Variants in ABL1 observed in about 807,000 individuals in gnomAD.
The protein encoded by ABL1 is tyrosine-protein kinase ABL1.
A neutral mutation model predicts 94.7 loss-of-function variants in ABL1; 11 were observed. That is an observed-to-expected ratio of 0.12 (90% CI 0.07 to 0.19). The LOEUF (loss-of-function observed/expected upper bound fraction) is 0.19, where lower values mean the gene tolerates loss of function less well. Ranked by LOEUF, ABL1 falls within the 10% of genes least tolerant of loss-of-function variation. ABL1 has a pLI of 1.00. For synonymous variants in ABL1, 656 were observed against 622.4 expected (o/e 1.05, Z -0.80); for missense variants, 1,082 against 1,489.4 (o/e 0.73, Z 4.50).
chr9:130,725,091 A>T (rs1393651304), intron 1 of ABL1: 1 of 207,072 alleles, frequency 4.8e-6, no homozygotes, highest in Non-Finnish European at 1.0e-5. Flanking sequence ...TAAAATATAC[A>T]GAAAAGTTAC....
intron 1 of ABL1, among the ~76,000 whole-genome samples, chr9:130,758,772 G>A (rs1832073500): frequency 6.6e-6 from 1 of 152,210 alleles, no homozygotes; most frequent in Non-Finnish European, 1.5e-5. Context: ...TGTGAGATGT[G>A]CAGTTGGGTG....
At chr9:130,773,495 A>G (rs1227742179) in intron 1 of ABL1, among the ~76,000 whole-genome samples, 2 of 152,012 alleles carry the variant, frequency 1.3e-5, no homozygotes, top group African/African-American at 2.4e-5. Context: ...GTCTTGCTCT[A>G]TCGTCCAGGC....
chr9:130,741,647 C>G (rs1831820778), intron 1 of ABL1, among the ~76,000 whole-genome samples: 1 of 152,068 alleles, frequency 6.6e-6, no homozygotes, highest in Non-Finnish European at 1.5e-5. Flanking sequence ...ACTGATAATA[C>G]CAGTTACCAT....
intron 1 of ABL1, among the ~76,000 whole-genome samples, chr9:130,780,897 A>T (rs1447037061): frequency 1.3e-5 from 2 of 152,228 alleles, no homozygotes; most frequent in Non-Finnish European, 1.5e-5. Context: ...GAAGGTGATC[A>T]GACCCTAATG....
At chr9:130,724,417 T>G (rs1192904266) in intron 1 of ABL1, among the ~76,000 whole-genome samples, 1 of 152,190 alleles carries the variant, frequency 6.6e-6, no homozygotes, top group Non-Finnish European at 1.5e-5. Context: ...TTTTATCTGG[T>G]TCTGGGGTTT....
At chr9:130,734,239 A>G (rs982458211) in intron 1 of ABL1, among the ~76,000 whole-genome samples, 2 of 138,986 alleles carry the variant, frequency 1.4e-5, no homozygotes, top group African/African-American at 5.6e-5. Context: ...TTTGAGATGG[A>G]GTCTCGCTCT....
intron 4 of ABL1, among the ~76,000 whole-genome samples, chr9:130,871,429 A>G (rs1027334408): frequency 1.3e-4 from 20 of 152,138 alleles, no homozygotes; most frequent in Admixed American, 1.2e-3. Flanking sequence ...CCCCCTTGGC[A>G]TTTAGATACC....
chr9:130,862,729 C>T lies in ABL1; in HGVS notation c.550-34C>T, dbSNP rs1831093497. ...GTGAGCTCTTTGAGCTTGCCTGTCTCTGTGGGCTGAAGGCTGTTCCCTGTT... is the reference window on the plus strand; with the variant it reads ...GTGAGCTCTTTGAGCTTGCCTGTCTTTGTGGGCTGAAGGCTGTTCCCTGTT... On this transcript the variant is annotated intron_variant, in intron 3 of 10. Transcript: ENST00000318560. This position sits in a 1 kb window ranked among gnomAD's most constrained non-coding sequence, Gnocchi z 5.5. The T allele has an allele frequency of 6.2e-7, 1 of 1,601,080 alleles. No homozygotes were observed. The highest frequency in any genetic ancestry group is 8.5e-7 in the Non-Finnish European group (1 of 1,174,030).
intron 1 of ABL1, among the ~76,000 whole-genome samples, chr9:130,735,962 T>TA (rs1554757971): frequency 0.38 from 17,540 of 45,884 alleles, 1,598 homozygotes; most frequent in Non-Finnish European, 0.43. Flanking sequence ...TATATATATA[T>TA]TTTTTTTTTT....
intron 1 of ABL1, among the ~76,000 whole-genome samples, chr9:130,821,821 C>T (rs1210360397): frequency 6.2e-5 from 9 of 144,086 alleles, no homozygotes; most frequent in African/African-American, 2.1e-4. Context: ...TGCTACCACA[C>T]CTGGCTATTA....
intron 1 of ABL1, among the ~76,000 whole-genome samples, chr9:130,718,617 A>G (rs1002072847): frequency 6.6e-6 from 1 of 152,168 alleles, no homozygotes; most frequent in African/African-American, 2.4e-5. Flanking sequence ...ACTGTGGCTT[A>G]TGCCTGTAAT....
chr9:130,823,908 C>T (rs1181295154), intron 1 of ABL1, among the ~76,000 whole-genome samples: 1 of 152,152 alleles, frequency 6.6e-6, no homozygotes, highest in South Asian at 2.1e-4. Context: ...TGTTCATTTT[C>T]ATCAAAGAAA....
At chr9:130,764,847 T>C (rs1159857945) in intron 1 of ABL1, among the ~76,000 whole-genome samples, 1 of 151,898 alleles carries the variant, frequency 6.6e-6, no homozygotes, top group Admixed American at 6.6e-5. Flanking sequence ...TCCCAGCTAA[T>C]TGGGAGGCTG....
chr9:130,875,083 T>A, intron 7 of ABL1, 31 bp downstream of exon 7: 1 of 1,604,734 alleles, frequency 6.2e-7, no homozygotes, highest in Non-Finnish European at 8.5e-7. Flanking sequence ...GAAGTGGTCC[T>A]TCCTGACTAC....
intron 1 of ABL1, among the ~76,000 whole-genome samples, chr9:130,847,358 A>G (rs1343393781): frequency 6.6e-6 from 1 of 152,094 alleles, no homozygotes; most frequent in Non-Finnish European, 1.5e-5. Flanking sequence ...AGAAGAAGGG[A>G]ACTAGTTGGG....
In ABL1 at chr9:130,767,748, C is replaced by A. The variant is rs556538143; in HGVS notation, c.136+53293C>A. ...GGCCAGCTCTCTGAAGTAAAGTGCA[C>A]GTGTGCATGTGTGTGCACACTCACA... On this transcript the variant is annotated intron_variant, in intron 1 of 10. Coordinates refer to the ABL1 transcript ENST00000372348. 2.0e-5 allele frequency among the ~76,000 whole-genome samples: 3 copies of A among 152,318 alleles called. No individual in the cohort carries two copies. The South Asian group carries it at 6.2e-4, about 32-fold the overall frequency.
At position 130,883,814 on chromosome 9, in the gene ABL1, TTTTGTTTG is replaced by T. The variant is rs544947423; in HGVS notation, c.1679-139_1679-132del. 2.0e-3 allele frequency among the ~76,000 whole-genome samples: 309 copies of T among 152,238 alleles called. 1 individual carries two copies. The highest frequency in any genetic ancestry group is 6.1e-3 in the African/African-American group (255 of 41,554). On this transcript the variant is annotated intron_variant, in intron 10 of 10. Coordinates refer to ENST00000318560, the MANE Select transcript of ABL1 (RefSeq NM_005157.6). ...AAGAAGGGATGACCTTTGACAATTT[TTTTGTTTG>T]TTTGTTTGTTTGTTTTGAGATGGAG...
At chr9:130,879,267 G>A (rs1045786571) in intron 8 of ABL1, among the ~76,000 whole-genome samples, 1 of 152,164 alleles carries the variant, frequency 6.6e-6, no homozygotes, top group African/African-American at 2.4e-5. Flanking sequence ...TATCTTATAA[G>A]GTATTTATAT....
At chr9:130,879,500 C>CTT (rs1831416241) in intron 8 of ABL1, among the ~76,000 whole-genome samples, 1 of 152,208 alleles carries the variant, frequency 6.6e-6, no homozygotes, top group African/African-American at 2.4e-5. Context: ...TCTCTGGGCA[C>CTT]TTTGGCTGGT....
Sources: gnomAD v4.1 joint callset for allele counts (sites outside exome capture counted in the v4.1 genomes callset) on GRCh38, gnomAD v4.1.1 for gene constraint, Gnocchi (gnomAD v3.1) non-coding constraint, MANE v1.5 for transcripts, NCBI Gene and HGNC (gene_info 2026-07-23, HGNC 2026-07-21) for gene names.